Variants in COG8 observed in about 807,000 individuals in gnomAD.
The protein encoded by COG8 is conserved oligomeric Golgi complex subunit 8.
Under a neutral mutation model 46.5 loss-of-function variants are expected in COG8, and 45 were observed. That is an observed-to-expected ratio of 0.97 (90% CI 0.76 to 1.24). COG8 has a LOEUF of 1.24. Ranked by LOEUF, COG8 falls within the 50% of genes most tolerant of loss-of-function variation. COG8 has a pLI of 0.00. For missense variants in COG8, 793 were observed against 820.8 expected (o/e 0.97, Z 0.41); for synonymous variants, 407 against 347.8 (o/e 1.17, Z -1.90).
At position 69,330,181 on chromosome 16, in the gene COG8, CG is replaced by C. The variant is rs764456639; in HGVS notation, c.*26+631del. ...GGCGGGGCGGGCACTCCCGACACAG[CG>C]CCTCGGGGAGCTCCAGCGCCAGCAC... On this transcript the variant is annotated intron_variant, in intron 5 of 5. Transcript: ENST00000306875. The C allele has an allele frequency of 8.0e-5, 119 of 1,494,078 alleles. 2 individuals carry two copies. In the South Asian group the frequency reaches 1.6e-3, roughly 19 times the overall value. The allele number at this position is 1,494,078 out of a possible 1,614,324, so 92.6% of individuals were successfully genotyped here. A position where few individuals can be genotyped will look rare whatever the true frequency, so the allele number is the denominator to read the frequency against.
Position 69,326,717 on chromosome 16 carries a change from T to C in COG8, c.*2489A>G, listed in dbSNP as rs924206485. ...ATCATCGATGTTAAACATGCTGACA[T>C]GTGCAGAGGAGTTTCCTCCCTGAAA... On this transcript the variant is annotated 3_prime_UTR_variant, in exon 6 of 6. Transcript: ENST00000306875. 4.6e-5 allele frequency: 7 copies of C among 152,192 alleles called. No homozygotes were observed. The highest frequency in any genetic ancestry group is 7.4e-5 in the Non-Finnish European group (5 of 68,026). 9.4% of individuals were successfully genotyped at this position (152,192 alleles called of 1,614,324 possible).
intron 4 of COG8, among the ~76,000 whole-genome samples, chr16:69,331,372 G>A (rs538509057): frequency 1.4e-5 from 2 of 139,258 alleles, no homozygotes; most frequent in African/African-American, 5.3e-5. Flanking sequence ...AGAATCGCTT[G>A]AACCTAGGAG....
At chr16:69,338,532 G>C (rs1426469598) in intron 1 of COG8, 6 of 152,882 alleles carry the variant, frequency 3.9e-5, no homozygotes, top group Admixed American at 1.3e-4. Context: ...TGTTAACTGT[G>C]TCAGACCCGA....
At chr16:69,330,014 T>A in intron 5 of COG8, 1 of 1,539,602 alleles carries the variant, frequency 6.5e-7, no homozygotes. Context: ...CTGCACCGCC[T>A]GGAAGCGGGG....
chr16:69,329,974 GC>G, intron 5 of COG8: 1 of 1,513,610 alleles, frequency 6.6e-7, no homozygotes, highest in Non-Finnish European at 8.8e-7. Flanking sequence ...TGCTCCAGCA[GC>G]CCCGGTCCCC....
At chr16:69,329,944 G>A (rs1184718665) in intron 5 of COG8, 5 of 1,480,128 alleles carry the variant, frequency 3.4e-6, no homozygotes, top group Non-Finnish European at 4.5e-6. Context: ...CGCGGAGTCG[G>A]GCAGAAGAGA....
rs1597227287 is a variant in COG8, at chr16:69,339,293, T to C, written c.260A>G (p.Tyr87Cys). 5 of 1,612,188 alleles carry C rather than the reference T, an allele frequency of 3.1e-6. No individual in the cohort carries two copies. The highest frequency in any genetic ancestry group is 4.2e-6 in the Non-Finnish European group (5 of 1,179,642). Reference protein sequence around the residue: ...QQTRDLAFANYKTFIRGAECT... With the variant: ...QQTRDLAFANCKTFIRGAECT... ...CTCGGCGCCGCGGATGAAGGTCTTG[T>C]AGTTAGCGAAGGCCAAGTCGCGCGT... Residue 87 changes from tyrosine (Y) to cysteine (C), a missense_variant, in exon 1 of 6, where the codon TAC becomes TGC. By Grantham distance (194) the Tyr-to-Cys change is radical. Coordinates refer to ENST00000306875, the MANE Select transcript of COG8 (RefSeq NM_032382.5).
intron 5 of COG8, chr16:69,330,503 G>C: frequency 6.8e-7 from 1 of 1,472,198 alleles, no homozygotes; most frequent in East Asian, 2.9e-5. Flanking sequence ...ACCGACGGCT[G>C]CCGCCCCGCC....
chr16:69,335,099 G>A lies in COG8; in HGVS notation c.835C>T (p.Arg279Cys), dbSNP rs145870822. ...FHITKTIEAS[R>C]VHLFDIITQY... ...GTGATGATATCAAAGAGATGGACAC[G>A]GGAGGCCTCGATGGTTTTTGTAATA... Residue 279 changes from arginine to cysteine, a missense_variant, in exon 3 of 6, where the codon CGT becomes TGT. Transcript: ENST00000306875. 1.2e-6 allele frequency: 2 copies of A among 1,614,060 alleles called. No individual in the cohort carries two copies. Among genetic ancestry groups the A allele is most frequent in the Admixed American group, 1.7e-5 (1 of 59,990 alleles).
At chr16:69,333,356 CAG>C in intron 3 of COG8, among the ~76,000 whole-genome samples, 1 of 152,128 alleles carries the variant, frequency 6.6e-6, no homozygotes, top group Non-Finnish European at 1.5e-5. Context: ...TTTGTAGAGA[CAG>C]GGTCTTGCTT....
chr16:69,330,004 C>G, intron 5 of COG8: 1 of 1,538,226 alleles, frequency 6.5e-7, no homozygotes, highest in Non-Finnish European at 8.8e-7. Context: ...CACCTGAGAT[C>G]TGCACCGCCT....
chr16:69,330,790 C>T (rs1301550697), intron 5 of COG8, 23 bp downstream of exon 5: 41 of 1,507,160 alleles, frequency 2.7e-5, no homozygotes, highest in Non-Finnish European at 3.6e-5. Context: ...TCCTGGCCAC[C>T]CCGCGCCGGG....
chr16:69,334,648 A>C lies in COG8; in HGVS notation c.1286T>G (p.Leu429Arg). 1 of 1,614,208 alleles carries C rather than the reference A, an allele frequency of 6.2e-7. No homozygotes were observed. The highest frequency in any genetic ancestry group is 1.1e-5 in the South Asian group (1 of 91,090). The stretch of plus-strand genomic sequence containing the variant: ...GCAGGCGAGGGGTGGGAAATCTAGG[A>C]GCACCATGGGTGGCTGCAGCGTCCC... Reference protein sequence around the residue: ...QPGTLQPPMVLLDFPPLACFL... With the variant: ...QPGTLQPPMVRLDFPPLACFL... Residue 429 changes from leucine (L) to arginine (R), a missense_variant, in exon 3 of 6, where the codon CTC becomes CGC. Physicochemically the swap from Leu to Arg is moderately radical, Grantham distance 102. Transcript: ENST00000306875.
chr16:69,329,968 C>G (rs1287508834), intron 5 of COG8: 34 of 1,506,118 alleles, frequency 2.3e-5, no homozygotes, highest in Non-Finnish European at 2.7e-5. Context: ...GCGCGCTGCT[C>G]CAGCAGCCCC....
chr16:69,335,066 G>T lies in COG8; in HGVS notation c.868C>A (p.Arg290Ser). ...VHLFDIITQY[R>S]AIFSDEDPLL... The stretch of plus-strand genomic sequence containing the variant: ...GGGTCCTCGTCTGAGAAGATGGCAC[G>T]GTACTGGGTGATGATATCAAAGAGA... Residue 290 changes from arginine to serine, a missense_variant, in exon 3 of 6, where the codon CGT (arginine) becomes AGT (serine). Arg to Ser is a moderately radical substitution (Grantham distance 110). Coordinates refer to ENST00000306875, the MANE Select transcript of COG8 (RefSeq NM_032382.5). 1 of 1,614,166 alleles carries T rather than the reference G, an allele frequency of 6.2e-7. No homozygotes were observed.
At chr16:69,335,373 A>G (rs1456981329) in intron 2 of COG8, 25 bp from the exon 3 acceptor site, 3 of 1,548,904 alleles carry the variant, frequency 1.9e-6, no homozygotes, top group Non-Finnish European at 2.6e-6. Context: ...AGAGAGTCAC[A>G]CTGCGCTGGG....
chr16:69,334,612 T>C lies in COG8; in HGVS notation c.1322A>G (p.Asn441Ser). The C allele has an allele frequency of 1.2e-6, 2 of 1,613,994 alleles. No individual in the cohort carries two copies. The highest frequency in any genetic ancestry group is 1.6e-4 in the Middle Eastern group (1 of 6,062). The stretch of plus-strand genomic sequence containing the variant: ...CAGATCATTGAAGGCAACCAGAATA[T>C]TGTTGAGAAAGCAGGCGAGGGGTGG... Reference protein sequence around the residue: ...DFPPLACFLNNILVAFNDLRL... With the variant: ...DFPPLACFLNSILVAFNDLRL... Residue 441 changes from asparagine (N) to serine (S), a missense_variant, in exon 3 of 6, where the codon AAT becomes AGT. Asn to Ser is a conservative substitution (Grantham distance 46, BLOSUM62 1). Coordinates refer to ENST00000306875, the MANE Select transcript of COG8 (RefSeq NM_032382.5).
chr16:69,335,083 T>C lies in COG8; in HGVS notation c.851A>G (p.Asp284Gly). ...TIEASRVHLFDIITQYRAIFS... is the reference protein window; with the variant it reads ...TIEASRVHLFGIITQYRAIFS... ...GATGGCACGGTACTGGGTGATGATA[T>C]CAAAGAGATGGACACGGGAGGCCTC... Residue 284 changes from aspartate to glycine, a missense_variant, in exon 3 of 6, where the codon GAT (aspartate) becomes GGT (glycine). Asp to Gly is a moderately conservative substitution (Grantham distance 94, BLOSUM62 -1). Coordinates refer to ENST00000306875, the MANE Select transcript of COG8 (RefSeq NM_032382.5). 6.2e-7 allele frequency: 1 copy of C among 1,614,108 alleles called. No homozygotes were observed. Among genetic ancestry groups the C allele is most frequent in the Non-Finnish European group, 8.5e-7 (1 of 1,180,012 alleles).
rs1247252789 is a variant in COG8, at chr16:69,339,539, G to A, written c.14C>T (p.Ala5Val). The change falls in exon 1 of 6, where the codon GCG becomes GTG. Residue 5 changes from alanine (A) to valine (V), a missense_variant. Transcript: ENST00000306875. Reference protein sequence around the residue: MATAATIPSVATATA... With the variant: MATAVTIPSVATATA... ...GGCCGTGGCTACCGATGGGATAGTCGCCGCGGTCGCCATCTTCCCAGCAAC... is the reference window on the plus strand; with the variant it reads ...GGCCGTGGCTACCGATGGGATAGTCACCGCGGTCGCCATCTTCCCAGCAAC... 2.6e-5 allele frequency: 42 copies of A among 1,608,584 alleles called. No individual in the cohort carries two copies. Among genetic ancestry groups the A allele is most frequent in the Non-Finnish European group, 3.5e-5 (41 of 1,179,950 alleles).
Sources: gnomAD v4.1 joint callset for allele counts (sites outside exome capture counted in the v4.1 genomes callset) on GRCh38, gnomAD v4.1.1 for gene constraint, MANE v1.5 for transcripts, NCBI Gene and HGNC (gene_info 2026-07-23, HGNC 2026-07-21) for gene names.